The following CCDC40 variants were observed in gnomAD, a reference collection of about 807,000 sequenced individuals.
CCDC40 encodes coiled-coil domain-containing protein 40.
CCDC40 carries 104 observed loss-of-function variants against 124.5 expected under a neutral mutation model. The ratio of observed to expected loss-of-function variants is 0.84; its 90% CI spans 0.71 to 0.98. The LOEUF (loss-of-function observed/expected upper bound fraction) is 0.98. Among genes scored for constraint, CCDC40 ranks in the 50% least tolerant of loss-of-function variants. The probability of loss-of-function intolerance (pLI) is 0.00; values close to 1 mark genes in which losing one functional copy is unlikely to be tolerated. For missense variants in CCDC40, 1,463 were observed against 1,503.9 expected (o/e 0.97, Z 0.45); for synonymous variants, 580 against 602.9 (o/e 0.96, Z 0.56).
chr17:80,097,288 C>A lies in CCDC40; in HGVS notation c.3065C>A (p.Thr1022Lys). The change falls in exon 19 of 20, where the codon ACA becomes AAA. Residue 1022 changes from threonine (T) to lysine (K), a missense_variant. Physicochemically the swap from Thr to Lys is moderately conservative, Grantham distance 78. Transcript: ENST00000397545. ...AAAACCGTCCTGGAACTGGAAGAAA[C>A]ACAAAGAAATGTGAGCAGCTCCCTC... is the stretch of plus-strand genomic sequence containing the variant. The part of the protein sequence containing the change: ...CTKTVLELEE[T>K]QRNVSSSLLE... The A allele has an allele frequency of 1.2e-6, 2 of 1,613,986 alleles. No homozygotes were observed. Among genetic ancestry groups the A allele is most frequent in the Non-Finnish European group, 1.7e-6 (2 of 1,180,028 alleles).
chr17:80,062,634 C>T (rs933331973), intron 9 of CCDC40, among the ~76,000 whole-genome samples: 1 of 152,128 alleles, frequency 6.6e-6, no homozygotes, highest in Non-Finnish European at 1.5e-5. Context: ...GGCTGGAGTG[C>T]ACTGGGGCCC....
intron 7 of CCDC40, among the ~76,000 whole-genome samples, chr17:80,054,090 CA>C (rs2037676706): frequency 6.6e-6 from 1 of 151,852 alleles, no homozygotes; most frequent in African/African-American, 2.4e-5. Flanking sequence ...AAAAATAAAC[CA>C]ATAAAGATCA....
Position 80,049,454 on chromosome 17 carries a change from GCGGTGTGGGGCCCA to G in CCDC40, c.856-451_856-438del, listed in dbSNP as rs147351635. ...TGTCTCCAGTCATTGCCAAATGTTGGCGGTGTGGGGCCCATCTTCGCAGCCACTGCCTTGAGGGC... is the reference window on the plus strand; with the variant it reads ...TGTCTCCAGTCATTGCCAAATGTTGGTCTTCGCAGCCACTGCCTTGAGGGC... On this transcript the variant is annotated intron_variant, in intron 5 of 19. Coordinates refer to ENST00000397545, the MANE Select transcript of CCDC40 (RefSeq NM_017950.4). 5.3e-5 allele frequency among the ~76,000 whole-genome samples: 8 copies of G among 151,660 alleles called. No homozygotes were observed. The East Asian group carries it at 1.4e-3, about 26-fold the overall frequency.
intron 3 of CCDC40, among the ~76,000 whole-genome samples, chr17:80,045,949 A>G (rs956093829): frequency 1.3e-5 from 2 of 151,992 alleles, no homozygotes; most frequent in Admixed American, 1.3e-4. Flanking sequence ...GAATTATCGC[A>G]AAACAATTAT....
intron 7 of CCDC40, among the ~76,000 whole-genome samples, chr17:80,050,486 C>G (rs1335007534): frequency 6.6e-6 from 1 of 152,208 alleles, no homozygotes; most frequent in African/African-American, 2.4e-5. Context: ...CTCTGTCACC[C>G]AGGCTGGAGT....
chr17:80,056,008 A>ATTTTTTTTT (rs1242487948), intron 7 of CCDC40, among the ~76,000 whole-genome samples: 9 of 12,278 alleles, frequency 7.3e-4, no homozygotes, highest in African/African-American at 1.2e-3. Context: ...ATATATATAT[A>ATTTTTTTTT]TATATATATT....
At chr17:80,097,429 G>A in intron 19 of CCDC40, 26 bp downstream of exon 19, 1 of 1,613,246 alleles carries the variant, frequency 6.2e-7, no homozygotes, top group South Asian at 1.1e-5. Flanking sequence ...GAGGTCCCTG[G>A]GGATGACGGC....
intron 9 of CCDC40, among the ~76,000 whole-genome samples, chr17:80,063,303 G>T (rs1598506791): frequency 6.6e-6 from 1 of 152,284 alleles, no homozygotes; most frequent in East Asian, 1.9e-4. Context: ...AAGTGTTAGG[G>T]TTATTGAATT....
intron 19 of CCDC40, chr17:80,097,920 G>GAAAAGA: frequency 2.2e-5 from 1 of 44,512 alleles, no homozygotes; most frequent in East Asian, 4.8e-4. Context: ...GAAAAGAAAA[G>GAAAAGA]AAAAGAAAAG....
At chr17:80,042,628 T>C (rs1300652238) in intron 3 of CCDC40, among the ~76,000 whole-genome samples, 1 of 152,224 alleles carries the variant, frequency 6.6e-6, no homozygotes, top group African/African-American at 2.4e-5. Flanking sequence ...AACTTCTTCC[T>C]TTCCCATCCA....
At chr17:80,056,798 G>A (rs971559887) in intron 7 of CCDC40, among the ~76,000 whole-genome samples, 2 of 151,992 alleles carry the variant, frequency 1.3e-5, no homozygotes, top group African/African-American at 4.8e-5. Flanking sequence ...CCAGCACTTT[G>A]GGAGGCCGAG....
chr17:80,089,648 A>C, intron 16 of CCDC40, 116 bp from the exon 17 acceptor site: 1 of 1,282,308 alleles, frequency 7.8e-7, no homozygotes, highest in Non-Finnish European at 1.1e-6. Flanking sequence ...TTTCTGTCGC[A>C]GCTGCTTGGC....
chr17:80,058,930 T>A lies in CCDC40; in HGVS notation c.1390T>A (p.Tyr464Asn), dbSNP rs2143650651. ...EEDIALFEAQ[Y>N]LAQAEDTRIL... The stretch of plus-strand genomic sequence containing the variant: ...AGACATTGCCCTGTTTGAGGCTCAG[T>A]ACTTGGCCCAAGCTGAGGACACCCG... Residue 464 changes from tyrosine to asparagine, a missense_variant, in exon 9 of 20, where the codon TAC becomes AAC. Tyr to Asn is a moderately radical substitution (Grantham distance 143). Coordinates refer to ENST00000397545, the MANE Select transcript of CCDC40 (RefSeq NM_017950.4). This position sits in a 1 kb window ranked among gnomAD's most constrained non-coding sequence, Gnocchi z 4.2. The A allele has an allele frequency of 6.2e-7, 1 of 1,614,144 alleles. No homozygotes were observed. Among genetic ancestry groups the A allele is most frequent in the Non-Finnish European group, 8.5e-7 (1 of 1,180,010 alleles).
intron 1 of CCDC40, 107 bp from the exon 2 acceptor site, chr17:80,038,016 A>G (rs1448738564): frequency 2.7e-6 from 2 of 740,510 alleles, no homozygotes; most frequent in Non-Finnish European, 4.8e-6. Flanking sequence ...TGGGGGTGGC[A>G]GAGAAGTAAC....
Position 80,087,873 on chromosome 17 carries a change from A to G in CCDC40, c.2619+97A>G. On this transcript the variant is annotated intron_variant, in intron 15 of 19. Coordinates refer to ENST00000397545, the MANE Select transcript of CCDC40 (RefSeq NM_017950.4). The surrounding 1 kb of genome is among the most constrained non-coding windows in gnomAD (Gnocchi z 4.5). ...TTCTGCACCAGGATGTAATTTCCAC[A>G]CCCGTTCAAGATGCTTGTAGGGGTA... The G allele has an allele frequency of 7.5e-7, 1 of 1,341,676 alleles. No individual in the cohort carries two copies. The highest frequency in any genetic ancestry group is 2.3e-5 in the East Asian group (1 of 43,592). 83.1% of individuals were successfully genotyped at this position (1,341,676 alleles called of 1,614,324 possible). A position where few individuals can be genotyped will look rare whatever the true frequency, so the allele number is the denominator to read the frequency against.
intron 10 of CCDC40, among the ~76,000 whole-genome samples, chr17:80,069,738 G>A (rs969991173): frequency 5.9e-5 from 9 of 152,062 alleles, no homozygotes; most frequent in South Asian, 4.2e-4. Context: ...GTGACAGAGC[G>A]AGACTTCGTC....
chr17:80,090,701 C>A, intron 17 of CCDC40: 1 of 1,420,606 alleles, frequency 7.0e-7, no homozygotes, highest in East Asian at 2.6e-5. Flanking sequence ...GATTTCATTG[C>A]CTTTAAAAGG....
Position 80,081,608 on chromosome 17 carries a change from T to G in CCDC40, c.1625T>G (p.Met542Arg). The G allele has an allele frequency of 1.9e-6, 3 of 1,613,994 alleles. No homozygotes were observed. The highest frequency in any genetic ancestry group is 1.7e-6 in the Non-Finnish European group (2 of 1,180,024). Residue 542 changes from methionine (M) to arginine (R), a missense_variant, in exon 11 of 20, where the codon ATG (methionine) becomes AGG (arginine). By Grantham distance (91) the Met-to-Arg change is moderately conservative (BLOSUM62 -1). Transcript: ENST00000397545. ...GEIEAYKKSIMKEEEKNEKLA... is the reference protein window; with the variant it reads ...GEIEAYKKSIRKEEEKNEKLA... ...ATTGAGGCCTATAAGAAATCCATCATGAAGGAGGAAGAAAAGAACGAGAAG... is the reference window on the plus strand; with the variant it reads ...ATTGAGGCCTATAAGAAATCCATCAGGAAGGAGGAAGAAAAGAACGAGAAG...
chr17:80,077,518 G>A (rs141859636), intron 10 of CCDC40, among the ~76,000 whole-genome samples: 5 of 152,160 alleles, frequency 3.3e-5, no homozygotes, highest in Non-Finnish European at 2.9e-5. Flanking sequence ...GCGAGACTCC[G>A]TCTCAAAAAT....
Sources: allele counts gnomAD v4.1 joint callset (sites outside exome capture counted in the v4.1 genomes callset), GRCh38; gene constraint gnomAD v4.1.1; non-coding constraint Gnocchi (gnomAD v3.1); transcripts MANE v1.5; gene names NCBI Gene and HGNC (gene_info 2026-07-23, HGNC 2026-07-21).